The following PDE4D variants were observed in gnomAD, a reference collection of about 807,000 sequenced individuals.
PDE4D encodes the protein phosphodiesterase 4D.
Under a neutral mutation model 87.4 loss-of-function variants are expected in PDE4D, and 24 were observed. The ratio of observed to expected loss-of-function variants is 0.27; its 90% CI spans 0.20 to 0.39. The LOEUF (loss-of-function observed/expected upper bound fraction) is 0.39, where lower values mean the gene tolerates loss of function less well. PDE4D is among the 10% of genes least tolerant of loss of function. The pLI, the probability that PDE4D is intolerant of heterozygous loss-of-function variation, is 1.00. For synonymous variants in PDE4D, 384 were observed against 383.2 expected (o/e 1.00, Z -0.02); for missense variants, 714 against 1,041.0 (o/e 0.69, Z 4.32).
At chr5:60,331,804 A>G (rs1450052921) in intron 1 of PDE4D, among the ~76,000 whole-genome samples, 1 of 152,184 alleles carries the variant, frequency 6.6e-6, no homozygotes, top group African/African-American at 2.4e-5. Flanking sequence ...GAGTATAAGA[A>G]TTTTAAGGAA....
chr5:60,480,209 C>T lies in PDE4D; in HGVS notation c.-90+7733G>A, dbSNP rs190023751. Among the ~76,000 whole-genome samples the T allele has an allele frequency of 4.4e-4, 67 of 152,118 alleles. 1 individual carries two copies. Among genetic ancestry groups the T allele is most frequent in the African/African-American group, 1.5e-3 (64 of 41,502 alleles). On this transcript the variant is annotated intron_variant, in intron 1 of 16. Coordinates refer to the PDE4D transcript ENST00000502484. Reference sequence around the variant, plus strand: ...GATACAGGGATCCTTTTGTAAAGACCCATGAAAACTGGCTATATCTAGAAG... The same window carrying T: ...GATACAGGGATCCTTTTGTAAAGACTCATGAAAACTGGCTATATCTAGAAG...
intron 1 of PDE4D, among the ~76,000 whole-genome samples, chr5:60,338,929 G>A (rs1758058320): frequency 6.6e-6 from 1 of 152,118 alleles, no homozygotes; most frequent in Admixed American, 6.5e-5. Flanking sequence ...GACCCCCAGT[G>A]TAGGCCTGAA....
chr5:59,864,809 C>T (rs1746779018), intron 1 of PDE4D, among the ~76,000 whole-genome samples: 1 of 152,122 alleles, frequency 6.6e-6, no homozygotes, highest in African/African-American at 2.4e-5. Flanking sequence ...CTTTGTACCA[C>T]AGGAAAGACA....
chr5:60,513,504 T>C (rs2150258020), intron 1 of PDE4D, among the ~76,000 whole-genome samples: 1 of 152,210 alleles, frequency 6.6e-6, no homozygotes, highest in Non-Finnish European at 1.5e-5. Context: ...AACACACCTC[T>C]TGTAACAGAC....
intron 1 of PDE4D, among the ~76,000 whole-genome samples, chr5:59,668,761 G>A (rs1006330438): frequency 1.5e-4 from 20 of 133,260 alleles, no homozygotes; most frequent in Non-Finnish European, 3.2e-4. Flanking sequence ...GAAGAAAGAA[G>A]AAAGAAGAAG....
intron 1 of PDE4D, among the ~76,000 whole-genome samples, chr5:59,882,353 A>C (rs1415458762): frequency 6.6e-6 from 1 of 152,156 alleles, no homozygotes; most frequent in Non-Finnish European, 1.5e-5. Flanking sequence ...GGAATGATTG[A>C]GTGGTAGTAA....
chr5:60,486,825 C>A (rs1173753682), intron 1 of PDE4D, among the ~76,000 whole-genome samples: 1 of 152,168 alleles, frequency 6.6e-6, no homozygotes, highest in Non-Finnish European at 1.5e-5. Context: ...TTTGTATCTA[C>A]AGGTCTAAAG....
chr5:60,178,194 G>A (rs923877128), intron 2 of PDE4D, among the ~76,000 whole-genome samples: 4 of 152,198 alleles, frequency 2.6e-5, no homozygotes, highest in East Asian at 3.9e-4. Context: ...TTTAACTTAC[G>A]TCTATTCTGA....
intron 1 of PDE4D, among the ~76,000 whole-genome samples, chr5:59,406,975 T>C (rs1165304358): frequency 1.3e-5 from 2 of 152,194 alleles, no homozygotes; most frequent in Admixed American, 6.5e-5. Flanking sequence ...TGGCTATCTA[T>C]TCATATTCAA....
At chr5:59,802,288 C>T in intron 1 of PDE4D, among the ~76,000 whole-genome samples, 1 of 151,760 alleles carries the variant, frequency 6.6e-6, no homozygotes, top group East Asian at 1.9e-4. Context: ...AGCCATATCC[C>T]ACAAACACTT....
At chr5:59,853,497 TC>T (rs1351743908) in intron 1 of PDE4D, among the ~76,000 whole-genome samples, 1 of 152,086 alleles carries the variant, frequency 6.6e-6, no homozygotes, top group Non-Finnish European at 1.5e-5. Context: ...CTTTTCAGTT[TC>T]CTATGCATAT....
At chr5:59,514,174 C>T (rs898970412) in intron 1 of PDE4D, among the ~76,000 whole-genome samples, 2 of 150,486 alleles carry the variant, frequency 1.3e-5, no homozygotes, top group African/African-American at 4.9e-5. Flanking sequence ...GGTGCGATCT[C>T]GGCTCACTGC....
chr5:60,293,127 C>A (rs1753051135), intron 1 of PDE4D, among the ~76,000 whole-genome samples: 2 of 151,842 alleles, frequency 1.3e-5, no homozygotes, highest in African/African-American at 2.4e-5. Context: ...CTGCCTCAAC[C>A]TCCCCTTATC....
intron 1 of PDE4D, among the ~76,000 whole-genome samples, chr5:59,526,375 T>C (rs1582986199): frequency 6.6e-6 from 1 of 152,226 alleles, no homozygotes; most frequent in Non-Finnish European, 1.5e-5. Flanking sequence ...CATTGTCTGC[T>C]GCACCATTCC....
chr5:59,865,774 A>G (rs960780966), intron 1 of PDE4D, among the ~76,000 whole-genome samples: 4 of 152,154 alleles, frequency 2.6e-5, no homozygotes, highest in Non-Finnish European at 4.4e-5. Flanking sequence ...ATTTGATTTC[A>G]TGTACATTAT....
At chr5:59,565,030 T>G (rs1820639589) in intron 1 of PDE4D, among the ~76,000 whole-genome samples, 1 of 152,128 alleles carries the variant, frequency 6.6e-6, no homozygotes, top group South Asian at 2.1e-4. Context: ...GAATGATATC[T>G]TTAAGAAGCT....
intron 1 of PDE4D, among the ~76,000 whole-genome samples, chr5:60,267,596 T>A (rs1750349406): frequency 6.6e-6 from 1 of 152,162 alleles, no homozygotes; most frequent in Non-Finnish European, 1.5e-5. Context: ...TAGGATTCAA[T>A]ATTACATCTA....
intron 1 of PDE4D, among the ~76,000 whole-genome samples, chr5:59,610,403 TC>T (rs1476964504): frequency 6.6e-6 from 1 of 152,224 alleles, no homozygotes; most frequent in African/African-American, 2.4e-5. Flanking sequence ...GTTACAATAA[TC>T]TATCTGACAT....
At chr5:59,880,266 C>T (rs1028543023) in intron 1 of PDE4D, among the ~76,000 whole-genome samples, 1 of 152,050 alleles carries the variant, frequency 6.6e-6, no homozygotes, top group Non-Finnish European at 1.5e-5. Context: ...CACGCCACCA[C>T]ACCCAGCTAA....
Sources: gnomAD v4.1 joint callset for allele counts (sites outside exome capture counted in the v4.1 genomes callset) on GRCh38, gnomAD v4.1.1 for gene constraint, MANE v1.5 for transcripts, NCBI Gene and HGNC (gene_info 2026-07-23, HGNC 2026-07-21) for gene names.